The following ARHGEF3 variants were observed in gnomAD, a reference collection of about 807,000 sequenced individuals.
ARHGEF3 encodes Rho guanine nucleotide exchange factor 3.
Under a neutral mutation model 63.2 loss-of-function variants are expected in ARHGEF3, and 28 were observed. That is an observed-to-expected ratio of 0.44 (90% CI 0.33 to 0.61). ARHGEF3 has a LOEUF of 0.61. Among genes scored for constraint, ARHGEF3 ranks in the 20% least tolerant of loss-of-function variants. The pLI is 0.03. For synonymous variants in ARHGEF3, 266 were observed against 254.2 expected (o/e 1.05, Z -0.44); for missense variants, 533 against 659.3 (o/e 0.81, Z 2.10).
At chr3:56,970,074 G>C (rs779647504) in intron 2 of ARHGEF3, among the ~76,000 whole-genome samples, 2 of 152,212 alleles carry the variant, frequency 1.3e-5, no homozygotes, top group Admixed American at 6.5e-5. Flanking sequence ...TGAGTACACA[G>C]ATTCCTTTTG....
intron 3 of ARHGEF3, among the ~76,000 whole-genome samples, chr3:56,933,804 CCAAATCTCCTCT>C (rs1396090159): frequency 2.6e-5 from 4 of 152,102 alleles, no homozygotes; most frequent in African/African-American, 7.2e-5. Flanking sequence ...GTGTCCCCAC[CCAAATCTCCTCT>C]CAAATTGTAA....
chr3:56,863,551 T>G lies in ARHGEF3; in HGVS notation c.192+18741A>C, dbSNP rs150389920. Among the ~76,000 whole-genome samples, 595 of 152,060 alleles carry G rather than the reference T, an allele frequency of 3.9e-3. 8 individuals carry two copies. Among genetic ancestry groups the G allele is most frequent in the African/African-American group, 0.013 (559 of 41,490 alleles). On this transcript the variant is annotated intron_variant, in intron 4 of 12. Coordinates refer to the ARHGEF3 transcript ENST00000338458. ...ATGACCTCAAGCAATCCACCCGCCT[T>G]GGCCTCCCAAAGCACTGGGATTATA...
chr3:56,802,003 G>A, upstream of ARHGEF3: 2 of 1,444,388 alleles, frequency 1.4e-6, no homozygotes, highest in Non-Finnish European at 1.8e-6. Context: ...GATGGGTGGG[G>A]AGGGGGCGGG....
At chr3:56,963,116 C>T (rs1465797656) in intron 2 of ARHGEF3, among the ~76,000 whole-genome samples, 1 of 151,892 alleles carries the variant, frequency 6.6e-6, no homozygotes, top group East Asian at 1.9e-4. Flanking sequence ...AAGCAAGTTC[C>T]CTACTCTCTA....
chr3:56,736,868 G>A (rs923434406), intron 8 of ARHGEF3, among the ~76,000 whole-genome samples: 5 of 152,094 alleles, frequency 3.3e-5, no homozygotes, highest in South Asian at 2.1e-4. Flanking sequence ...TAAGGCAGGC[G>A]GATCACTTGA....
intron 2 of ARHGEF3, among the ~76,000 whole-genome samples, chr3:56,975,600 C>T (rs1353148892): frequency 6.6e-6 from 1 of 152,148 alleles, no homozygotes; most frequent in Non-Finnish European, 1.5e-5. Flanking sequence ...GAGGCTCAGA[C>T]AGGTTAAGTG....
chr3:57,048,741 T>A (rs901188724), intron 1 of ARHGEF3, among the ~76,000 whole-genome samples: 2 of 152,132 alleles, frequency 1.3e-5, no homozygotes, highest in Non-Finnish European at 2.9e-5. Context: ...CTTGACCTTG[T>A]GTAATTACTG....
chr3:56,834,078 AT>A, intron 4 of ARHGEF3, among the ~76,000 whole-genome samples: 1 of 151,606 alleles, frequency 6.6e-6, no homozygotes, highest in East Asian at 1.9e-4. Context: ...TAATTTTTGT[AT>A]TTTTTAGTAG....
chr3:56,824,464 C>T (rs2108050030), intron 4 of ARHGEF3, among the ~76,000 whole-genome samples: 1 of 152,282 alleles, frequency 6.6e-6, no homozygotes, highest in Non-Finnish European at 1.5e-5. Flanking sequence ...CTTTAGAGCT[C>T]AATCCTTCTA....
At chr3:56,837,570 G>A (rs908771830) in intron 4 of ARHGEF3, among the ~76,000 whole-genome samples, 1 of 152,222 alleles carries the variant, frequency 6.6e-6, no homozygotes, top group Non-Finnish European at 1.5e-5. Flanking sequence ...ACCATTTCAT[G>A]AAGCAACTAA....
At chr3:56,975,022 G>A (rs1268042051) in intron 2 of ARHGEF3, among the ~76,000 whole-genome samples, 1 of 151,996 alleles carries the variant, frequency 6.6e-6, no homozygotes, top group Non-Finnish European at 1.5e-5. Context: ...TCAGGTCATG[G>A]GCTCCCTAAC....
chr3:57,055,949 G>A (rs1704910592), intron 1 of ARHGEF3, among the ~76,000 whole-genome samples: 1 of 152,202 alleles, frequency 6.6e-6, no homozygotes, highest in Admixed American at 6.5e-5. Flanking sequence ...AATGTGAATA[G>A]GGAAAAGGTA....
chr3:56,982,343 T>C (rs1217095489), intron 2 of ARHGEF3, among the ~76,000 whole-genome samples: 2 of 152,070 alleles, frequency 1.3e-5, no homozygotes, highest in Non-Finnish European at 2.9e-5. Flanking sequence ...CAAAAGTTCA[T>C]TAAAGAAAGC....
chr3:56,986,418 T>C lies in ARHGEF3; in HGVS notation c.63-27529A>G, dbSNP rs1422091543. On this transcript the variant is annotated intron_variant, in intron 2 of 12. Transcript: ENST00000338458. ...CAAAGTCTGGGGCCCCTGGGAGCTG[T>C]AGACAGAAAGGTTTGGCAACAGTGG... 7.2e-5 allele frequency among the ~76,000 whole-genome samples: 11 copies of C among 152,312 alleles called. No homozygotes were observed. In the East Asian group the frequency reaches 9.6e-4, roughly 13 times the overall value.
At chr3:56,963,931 G>GTC (rs1033011030) in intron 2 of ARHGEF3, among the ~76,000 whole-genome samples, 3 of 152,154 alleles carry the variant, frequency 2.0e-5, no homozygotes, top group African/African-American at 7.2e-5. Context: ...ACTTTGGCCT[G>GTC]TCTCTCTCTT....
At chr3:57,050,142 C>T (rs1704612666) in intron 1 of ARHGEF3, among the ~76,000 whole-genome samples, 1 of 152,194 alleles carries the variant, frequency 6.6e-6, no homozygotes, top group Non-Finnish European at 1.5e-5. Context: ...CTTCTCCTTC[C>T]ACTCCCTTCT....
chr3:56,968,331 TATA>T (rs1329222892), intron 2 of ARHGEF3, among the ~76,000 whole-genome samples: 1 of 55,226 alleles, frequency 1.8e-5, no homozygotes, highest in Non-Finnish European at 3.5e-5. Flanking sequence ...TTTATATATA[TATA>T]ATATATAATA....
At chr3:56,754,308 G>C (rs2034937852) in intron 3 of ARHGEF3, among the ~76,000 whole-genome samples, 1 of 152,208 alleles carries the variant, frequency 6.6e-6, no homozygotes, top group African/African-American at 2.4e-5. Context: ...CATTATTAAA[G>C]GAGTACAAGT....
intron 2 of ARHGEF3, among the ~76,000 whole-genome samples, chr3:56,981,391 G>A (rs561355278): frequency 2.0e-5 from 3 of 152,260 alleles, no homozygotes; most frequent in African/African-American, 7.2e-5. Flanking sequence ...TGAAAAGTTG[G>A]CAAAGCTTTG....
Sources: allele counts gnomAD v4.1 joint callset (sites outside exome capture counted in the v4.1 genomes callset), GRCh38; gene constraint gnomAD v4.1.1; transcripts MANE v1.5; gene names NCBI Gene and HGNC (gene_info 2026-07-23, HGNC 2026-07-21).